PIP5K1A: variants seen among roughly 807,000 people sequenced by gnomAD.
PIP5K1A encodes phosphatidylinositol 4-phosphate 5-kinase type-1 alpha.
In PIP5K1A, 46 loss-of-function variants were observed where a neutral mutation model predicts 72.9. That is an observed-to-expected ratio of 0.63 (90% CI 0.50 to 0.81). PIP5K1A has a LOEUF of 0.81. Among genes scored for constraint, PIP5K1A ranks in the 30% least tolerant of loss-of-function variants. The probability of loss-of-function intolerance (pLI) is 0.00; values close to 1 mark genes in which losing one functional copy is unlikely to be tolerated. For missense variants in PIP5K1A, 458 were observed against 706.1 expected (o/e 0.65, Z 3.98); for synonymous variants, 228 against 255.1 (o/e 0.89, Z 1.01).
At chr1:151,246,024 A>G (rs1692451660) in intron 14 of PIP5K1A, among the ~76,000 whole-genome samples, 1 of 152,220 alleles carries the variant, frequency 6.6e-6, no homozygotes, top group East Asian at 1.9e-4. Context: ...AGGAGGGCGG[A>G]TCACCTGAGG....
At position 151,218,621 on chromosome 1, in the gene PIP5K1A, A is replaced by G. The variant is rs150903990; in HGVS notation, c.86-5624A>G. ...GGAGGCCAAGGCAGTGGATCACAAG[A>G]TCAAGAGATCGAGACCATCCTGGCC... is the stretch of plus-strand genomic sequence containing the variant. On this transcript the variant is annotated intron_variant, in intron 1 of 15. Transcript: ENST00000368888. Among the ~76,000 whole-genome samples the G allele has an allele frequency of 4.5e-3, 687 of 151,814 alleles. 6 individuals carry two copies. Among genetic ancestry groups the G allele is most frequent in the African/African-American group, 0.016 (652 of 41,418 alleles).
At chr1:151,199,613 C>CAAAA (rs1170539698) in intron 1 of PIP5K1A, among the ~76,000 whole-genome samples, 1 of 86,992 alleles carries the variant, frequency 1.1e-5, no homozygotes. Flanking sequence ...GACCCTGTCT[C>CAAAA]AAAAAAAAAA....
At chr1:151,209,354 A>C (rs1318601950) in intron 1 of PIP5K1A, among the ~76,000 whole-genome samples, 1 of 151,168 alleles carries the variant, frequency 6.6e-6, no homozygotes, top group African/African-American at 2.4e-5. Flanking sequence ...TCTCACTGCA[A>C]CCTCCGCCTC....
At position 151,236,522 on chromosome 1, in the gene PIP5K1A, T is replaced by C. The variant is rs964652425; in HGVS notation, c.940-36T>C. ...GATCCTGAAAAATATTTTTATTTCT[T>C]CCAAGGCTCAGATCATGTTTTTTTC... On this transcript the variant is annotated intron_variant, in intron 8 of 15. Transcript: ENST00000368888. The C allele has an allele frequency of 2.1e-6, 3 of 1,438,792 alleles. No individual in the cohort carries two copies. The African/African-American group carries it at 4.3e-5, about 21-fold the overall frequency. The allele number at this position is 1,438,792 out of a possible 1,614,324, so 89.1% of individuals were successfully genotyped here.
At chr1:151,198,408 G>A, upstream of PIP5K1A, 1 of 258,016 alleles carries the variant, frequency 3.9e-6, no homozygotes, top group South Asian at 3.6e-5. Flanking sequence ...ACCCGCGCGC[G>A]CACATCTTCC....
chr1:151,224,471 C>T, intron 3 of PIP5K1A, 65 bp downstream of exon 3: 4 of 1,149,602 alleles, frequency 3.5e-6, no homozygotes, highest in Non-Finnish European at 5.2e-6. Flanking sequence ...CAATATCTCA[C>T]ATTTATTGAG....
intron 1 of PIP5K1A, among the ~76,000 whole-genome samples, chr1:151,222,129 T>C (rs587637200): frequency 1.6e-4 from 25 of 152,282 alleles, no homozygotes; most frequent in African/African-American, 5.1e-4. Context: ...TTTTTTGATA[T>C]AGATACGATA....
intron 7 of PIP5K1A, 101 bp from the exon 8 acceptor site, chr1:151,234,094 CAT>C (rs1239882043): frequency 1.3e-6 from 1 of 792,122 alleles, no homozygotes; most frequent in African/African-American, 1.7e-5. Flanking sequence ...GTCTAAATCT[CAT>C]ATAGGAGATA....
chr1:151,232,104 C>T (rs1570942477), intron 5 of PIP5K1A, 144 bp from the exon 6 acceptor site: 1 of 691,818 alleles, frequency 1.4e-6, no homozygotes, highest in Non-Finnish European at 2.6e-6. Context: ...CTCACTAACT[C>T]ATCTAAGAAG....
In PIP5K1A at chr1:151,247,500, A is replaced by AC. The variant is rs1199458379; in HGVS notation, c.1687-362dup. Among the ~76,000 whole-genome samples the AC allele has an allele frequency of 9.9e-5, 15 of 151,590 alleles. 1 individual carries two copies. Among genetic ancestry groups the AC allele is most frequent in the African/African-American group, 3.6e-4 (15 of 41,198 alleles). ...GAGTGCAGTGGCGCGATCTCGGCTC[A>AC]CTGCAAGCTACGCCTCCCAGGTTCA... On this transcript the variant is annotated intron_variant, in intron 15 of 15. Transcript: ENST00000368888.
intron 3 of PIP5K1A, among the ~76,000 whole-genome samples, chr1:151,226,919 C>T (rs928150030): frequency 6.6e-6 from 1 of 151,682 alleles, no homozygotes; most frequent in Admixed American, 6.6e-5. Context: ...CCCAGCTGCT[C>T]GGGAGGCTGA....
Position 151,239,948 on chromosome 1 carries a change from T to A in PIP5K1A, c.1279-7T>A. On this transcript the variant is annotated splice_polypyrimidine_tract_variant and splice_region_variant and intron_variant, in intron 11 of 15. Coordinates refer to ENST00000368888, the MANE Select transcript of PIP5K1A (RefSeq NM_001135638.2). ...CCTAACTCTATAGCATTTCTTCTGC[T>A]CTGCAGGACACTGTCTCAGTGCATC... 1 of 1,608,844 alleles carries A rather than the reference T, an allele frequency of 6.2e-7. No homozygotes were observed. The highest frequency in any genetic ancestry group is 8.5e-7 in the Non-Finnish European group (1 of 1,175,464).
At chr1:151,241,368 G>A (rs1194643650) in intron 12 of PIP5K1A, among the ~76,000 whole-genome samples, 2 of 151,930 alleles carry the variant, frequency 1.3e-5, no homozygotes, top group African/African-American at 2.4e-5. Context: ...GCCGGGCATG[G>A]TGGTGGGCTC....
chr1:151,244,629 C>T (rs1032899116), intron 14 of PIP5K1A, among the ~76,000 whole-genome samples: 4 of 152,114 alleles, frequency 2.6e-5, no homozygotes, highest in Non-Finnish European at 5.9e-5. Flanking sequence ...GGACTCTAGC[C>T]TGGGTGACAG....
At chr1:151,244,493 A>G (rs925589079) in intron 14 of PIP5K1A, among the ~76,000 whole-genome samples, 1 of 152,078 alleles carries the variant, frequency 6.6e-6, no homozygotes, top group African/African-American at 2.4e-5. Flanking sequence ...ATCTCTACCA[A>G]AAATACAAAA....
rs71090141 is a variant in PIP5K1A at position 151,209,875 on chromosome 1, A to AT, written c.85+10803dup. ...GCGTGAGTCACCACGACTAGCCTGC[A>AT]TTTTTTTTTCTTTCTTTTTTCTGAG... On this transcript the variant is annotated intron_variant, in intron 1 of 15. Coordinates refer to ENST00000368888, the MANE Select transcript of PIP5K1A (RefSeq NM_001135638.2). 6.0e-3 allele frequency among the ~76,000 whole-genome samples: 902 copies of AT among 149,398 alleles called. 3 individuals are homozygous for AT. The highest frequency in any genetic ancestry group is 0.011 in the Middle Eastern group (3 of 284).
chr1:151,207,905 C>T (rs1356777075), intron 1 of PIP5K1A, among the ~76,000 whole-genome samples: 2 of 151,232 alleles, frequency 1.3e-5, no homozygotes, highest in Non-Finnish European at 2.9e-5. Context: ...GCTCTTGCTG[C>T]CCAGTCTGGA....
intron 4 of PIP5K1A, among the ~76,000 whole-genome samples, chr1:151,228,677 G>T (rs1689523614): frequency 6.6e-6 from 1 of 152,140 alleles, no homozygotes; most frequent in African/African-American, 2.4e-5. Context: ...ACAGTGTTCA[G>T]TCTCCCATTT....
chr1:151,221,555 G>A (rs1446736579), intron 1 of PIP5K1A, among the ~76,000 whole-genome samples: 2 of 152,290 alleles, frequency 1.3e-5, no homozygotes, highest in South Asian at 2.1e-4. Flanking sequence ...ATTGGGAAAT[G>A]CAGGTCTCAA....
Sources: gnomAD v4.1 joint callset for allele counts (sites outside exome capture counted in the v4.1 genomes callset) on GRCh38, gnomAD v4.1.1 for gene constraint, MANE v1.5 for transcripts, NCBI Gene and HGNC (gene_info 2026-07-23, HGNC 2026-07-21) for gene names.